The following TLN2 variants were observed in gnomAD, a reference collection of about 807,000 sequenced individuals.
TLN2 encodes talin-2.
A neutral mutation model predicts 294.7 loss-of-function variants in TLN2; 118 were observed. The ratio of observed to expected loss-of-function variants is 0.40; its 90% CI spans 0.34 to 0.47. TLN2 has a LOEUF of 0.47. Among genes scored for constraint, TLN2 ranks in the 20% least tolerant of loss-of-function variants. TLN2 has a pLI of 0.84. For missense variants in TLN2, 3,083 were observed against 3,282.2 expected, an observed-to-expected ratio of 0.94 and a Z score of 1.48; for synonymous variants, 1,431 against 1,304.5, an observed-to-expected ratio of 1.10 and a Z score of -2.09.
chr15:62,777,807 T>TC (rs1465845224), intron 43 of TLN2, among the ~76,000 whole-genome samples: 4 of 152,172 alleles, frequency 2.6e-5, no homozygotes, highest in African/African-American at 9.7e-5. Flanking sequence ...TAGTGACCCA[T>TC]CAAATGAGTC....
chr15:62,394,027 C>T (rs975593216), intron 1 of TLN2, among the ~76,000 whole-genome samples: 3 of 152,148 alleles, frequency 2.0e-5, no homozygotes, highest in Non-Finnish European at 4.4e-5. Context: ...CCACCCGCCT[C>T]GGCCTCCCAG....
intron 5 of TLN2, among the ~76,000 whole-genome samples, chr15:62,651,073 T>C (rs911113526): frequency 6.6e-6 from 1 of 152,206 alleles, no homozygotes; most frequent in Non-Finnish European, 1.5e-5. Flanking sequence ...AAAAATATTT[T>C]TATATGCAAA....
chr15:62,831,594 A>T (rs1037228612), intron 54 of TLN2: 4 of 152,130 alleles, frequency 2.6e-5, no homozygotes, highest in African/African-American at 9.7e-5. Context: ...TCAGTCACCA[A>T]ATTCTATACT....
chr15:62,719,164 G>A (rs1345058681), intron 24 of TLN2, among the ~76,000 whole-genome samples: 3 of 152,140 alleles, frequency 2.0e-5, no homozygotes, highest in African/African-American at 7.2e-5. Flanking sequence ...ATCTCCCAAG[G>A]CACACTGTAG....
At chr15:62,780,677 C>T (rs1012136385) in intron 43 of TLN2, among the ~76,000 whole-genome samples, 1 of 152,194 alleles carries the variant, frequency 6.6e-6, no homozygotes, top group African/African-American at 2.4e-5. Flanking sequence ...AGAACGGTTC[C>T]GTGGATAGCC....
At position 62,766,201 on chromosome 15, in the gene TLN2, G is replaced by A. The variant is rs1411680845; in HGVS notation, c.5095-120G>A. On this transcript the variant is annotated intron_variant, in intron 40 of 58. Coordinates refer to ENST00000636159, the MANE Select transcript of TLN2 (RefSeq NM_015059.3). ...GGTGCAGTGGCTTGATGGCACACACGCAGGCATTCTAATGTCTGCTTTGTG... is the reference window on the plus strand; with the variant it reads ...GGTGCAGTGGCTTGATGGCACACACACAGGCATTCTAATGTCTGCTTTGTG... 39 of 753,796 alleles carry A rather than the reference G, an allele frequency of 5.2e-5. No individual in the cohort carries two copies. The East Asian group carries it at 8.3e-4, about 16-fold the overall frequency. 46.7% of individuals were successfully genotyped at this position (753,796 alleles called of 1,614,324 possible).
At chr15:62,501,898 A>G (rs1337356390) in intron 1 of TLN2, among the ~76,000 whole-genome samples, 1 of 152,192 alleles carries the variant, frequency 6.6e-6, no homozygotes, top group Non-Finnish European at 1.5e-5. Flanking sequence ...GTGAATGGGC[A>G]TCATTTCCAT....
At chr15:62,504,871 G>GA (rs2039515866) in intron 1 of TLN2, among the ~76,000 whole-genome samples, 1 of 150,830 alleles carries the variant, frequency 6.6e-6, no homozygotes, top group Non-Finnish European at 1.5e-5. Flanking sequence ...GAGAGAGAGA[G>GA]GGAGACTCTG....
At chr15:62,646,632 C>T (rs2051883780) in intron 3 of TLN2, among the ~76,000 whole-genome samples, 1 of 152,210 alleles carries the variant, frequency 6.6e-6, no homozygotes, top group African/African-American at 2.4e-5. Flanking sequence ...TCATGTTGAT[C>T]TTTTCTTGGG....
intron 11 of TLN2, among the ~76,000 whole-genome samples, chr15:62,681,430 C>G (rs1432793319): frequency 6.6e-6 from 1 of 152,202 alleles, no homozygotes; most frequent in African/African-American, 2.4e-5. Context: ...TGAGATCAGT[C>G]ATAGATATTT....
chr15:62,484,368 C>T (rs569817225), intron 1 of TLN2, among the ~76,000 whole-genome samples: 5 of 152,026 alleles, frequency 3.3e-5, no homozygotes, highest in Non-Finnish European at 4.4e-5. Flanking sequence ...TCAACTGAAA[C>T]GGAGGTCATT....
chr15:62,511,300 A>G (rs1442792532), intron 1 of TLN2, among the ~76,000 whole-genome samples: 3 of 152,224 alleles, frequency 2.0e-5, no homozygotes, highest in African/African-American at 4.8e-5. Context: ...GCTGAGGAGT[A>G]TATAAGAATG....
chr15:62,535,165 A>G (rs868789871), intron 1 of TLN2, among the ~76,000 whole-genome samples: 17 of 152,154 alleles, frequency 1.1e-4, no homozygotes, highest in Admixed American at 3.9e-4. Context: ...GCTGTGTGTT[A>G]AGAACACTTG....
At chr15:62,652,238 CTT>C in intron 6 of TLN2, 104 bp downstream of exon 6, 3 of 1,260,566 alleles carry the variant, frequency 2.4e-6, no homozygotes, top group Non-Finnish European at 3.1e-6. Context: ...TTGAATGTGT[CTT>C]AACACGCCGA....
chr15:62,489,552 C>T (rs2038593758), intron 1 of TLN2, among the ~76,000 whole-genome samples: 1 of 152,186 alleles, frequency 6.6e-6, no homozygotes, highest in Non-Finnish European at 1.5e-5. Context: ...CCCCAAAGCA[C>T]AAATACCTCA....
chr15:62,492,803 G>T (rs2038819427), intron 1 of TLN2, among the ~76,000 whole-genome samples: 1 of 152,052 alleles, frequency 6.6e-6, no homozygotes, highest in Non-Finnish European at 1.5e-5. Flanking sequence ...AGTAATCAAA[G>T]AATTCTACCA....
chr15:62,638,235 A>ACC, intron 3 of TLN2: 1 of 319,458 alleles, frequency 3.1e-6, no homozygotes, highest in East Asian at 8.1e-5. Flanking sequence ...GTAGTGCACT[A>ACC]CCCCTTCCTC....
At chr15:62,535,624 C>T (rs1325682627) in intron 1 of TLN2, among the ~76,000 whole-genome samples, 1 of 150,262 alleles carries the variant, frequency 6.7e-6, no homozygotes, top group African/African-American at 2.5e-5. Context: ...GGCACAATTG[C>T]AGCTCACTGC....
At chr15:62,627,297 C>T (rs949284970) in intron 3 of TLN2, among the ~76,000 whole-genome samples, 1 of 152,168 alleles carries the variant, frequency 6.6e-6, no homozygotes, top group Non-Finnish European at 1.5e-5. Context: ...TAGGGTGGAA[C>T]TATACCCAAG....
Sources: allele counts gnomAD v4.1 joint callset (sites outside exome capture counted in the v4.1 genomes callset), GRCh38; gene constraint gnomAD v4.1.1; transcripts MANE v1.5; gene names NCBI Gene and HGNC (gene_info 2026-07-23, HGNC 2026-07-21).